The following PCDH19 variants were observed in gnomAD, a reference collection of about 807,000 sequenced individuals.
The protein encoded by PCDH19 is protocadherin 19, also known as protocadherin-19.
A neutral mutation model predicts 46.2 loss-of-function variants in PCDH19; 6 were observed. The ratio of observed to expected loss-of-function variants is 0.13; its 90% CI spans 0.07 to 0.26. PCDH19 has a LOEUF of 0.26. Ranked by LOEUF, PCDH19 falls within the 10% of genes least tolerant of loss-of-function variation. The pLI is 1.00. For missense variants in PCDH19, 740 were observed against 972.3 expected (o/e 0.76, Z 3.18); for synonymous variants, 481 against 415.7 (o/e 1.16, Z -1.91).
intron 5 of PCDH19, among the ~76,000 whole-genome samples, chrX:100,304,394 C>T (rs1209192083): frequency 1.8e-5 from 2 of 111,363 alleles, no homozygotes; most frequent in African/African-American, 6.5e-5. Flanking sequence ...CAAGGGAGCA[C>T]CCCATGGGAC....
intron 5 of PCDH19, among the ~76,000 whole-genome samples, chrX:100,333,232 A>T (rs942882481): frequency 1.9e-5 from 2 of 107,750 alleles, no homozygotes; most frequent in African/African-American, 6.8e-5. Flanking sequence ...AAAGAAAGAA[A>T]GAAAGAAAGA....
At chrX:100,335,527 T>C (rs939292286) in intron 5 of PCDH19, among the ~76,000 whole-genome samples, 2 of 112,176 alleles carry the variant, frequency 1.8e-5, no homozygotes, top group African/African-American at 6.5e-5. Context: ...AAGATCTTGA[T>C]TGTAACAGTC....
intron 4 of PCDH19, among the ~76,000 whole-genome samples, chrX:100,344,705 G>C (rs749030060): frequency 1.0e-5 from 1 of 98,483 alleles, no homozygotes; most frequent in East Asian, 3.2e-4. Flanking sequence ...GAGGGATCTA[G>C]TATGGGGGCA....
chrX:100,296,565 C>T lies in PCDH19; in HGVS notation c.3159G>A (p.Arg1053=), dbSNP rs769230199. 2 of 1,211,209 alleles carry T rather than the reference C, an allele frequency of 1.7e-6. No individual in the cohort carries two copies. Among genetic ancestry groups the T allele is most frequent in the Non-Finnish European group, 2.2e-6 (2 of 895,350 alleles). ...TCGCCTCACAGCCATTGCCTGCCTC[C>T]CGGATAACGCTGTTGACCTTGGGGC... ...ICSPKVNSVI[R]EAGNGCEAIS... is the part of the protein sequence containing the mutation. Residue 1053 remains arginine, a synonymous_variant, in exon 6 of 6, where the codon CGG becomes CGA. Coordinates refer to ENST00000373034, the MANE Select transcript of PCDH19 (RefSeq NM_001184880.2).
At chrX:100,356,470 T>C (rs1430025334) in intron 3 of PCDH19, among the ~76,000 whole-genome samples, 1 of 111,458 alleles carries the variant, frequency 9.0e-6, no homozygotes, top group Admixed American at 9.6e-5. Context: ...AATGAGATAA[T>C]AAATAGTTTT....
intron 5 of PCDH19, among the ~76,000 whole-genome samples, chrX:100,306,039 A>C (rs1442110349): frequency 8.9e-6 from 1 of 111,911 alleles, no homozygotes; most frequent in Non-Finnish European, 1.9e-5. Flanking sequence ...GAAACAATGG[A>C]CTTAAACTAT....
chrX:100,397,685 C>T (rs913951746), intron 3 of PCDH19, among the ~76,000 whole-genome samples: 3 of 112,012 alleles, frequency 2.7e-5, no homozygotes, highest in Admixed American at 9.4e-5. Context: ...CCCAAGTCTC[C>T]ATTTCCAGTA....
At chrX:100,319,580 A>C (rs780488100) in intron 5 of PCDH19, among the ~76,000 whole-genome samples, 1 of 112,097 alleles carries the variant, frequency 8.9e-6, no homozygotes, top group African/African-American at 3.2e-5. Context: ...TGAACAATGA[A>C]ATCACTGGAG....
intron 3 of PCDH19, among the ~76,000 whole-genome samples, chrX:100,357,878 A>G (rs1271119167): frequency 8.9e-6 from 1 of 112,109 alleles, no homozygotes; most frequent in Non-Finnish European, 1.9e-5. Flanking sequence ...ATGCGTTCAT[A>G]TAATGCATCA....
chrX:100,298,379 T>C (rs746059452), intron 5 of PCDH19, among the ~76,000 whole-genome samples: 2 of 112,223 alleles, frequency 1.8e-5, no homozygotes, highest in South Asian at 7.5e-4. Context: ...ATTCTGGGCA[T>C]GGCCCTTGAC....
At chrX:100,334,419 T>C (rs1926018995) in intron 5 of PCDH19, among the ~76,000 whole-genome samples, 1 of 112,161 alleles carries the variant, frequency 8.9e-6, no homozygotes, top group Admixed American at 9.5e-5. Flanking sequence ...CTTGCAAATA[T>C]AAGTTTAATT....
intron 3 of PCDH19, among the ~76,000 whole-genome samples, chrX:100,388,195 T>C (rs1335447095): frequency 9.0e-6 from 1 of 110,689 alleles, no homozygotes; most frequent in African/African-American, 3.3e-5. Flanking sequence ...CATGTGTATG[T>C]GTGTGTATGA....
chrX:100,305,996 C>G (rs1204222039), intron 5 of PCDH19, among the ~76,000 whole-genome samples: 3 of 111,522 alleles, frequency 2.7e-5, no homozygotes, highest in Non-Finnish European at 5.7e-5. Context: ...ACTGACAGCA[C>G]TAGACAGGTC....
At chrX:100,364,460 A>G (rs1927018545) in intron 3 of PCDH19, among the ~76,000 whole-genome samples, 1 of 112,102 alleles carries the variant, frequency 8.9e-6, no homozygotes, top group Admixed American at 9.5e-5. Flanking sequence ...TCCTGGACAG[A>G]GCAGACATAG....
chrX:100,291,867 A>G lies in PCDH19; in HGVS notation c.*4410T>C, dbSNP rs1285304347. The G allele has an allele frequency of 8.9e-6, 1 of 112,936 alleles. No individual in the cohort carries two copies. Among genetic ancestry groups the G allele is most frequent in the Non-Finnish European group, 1.9e-5 (1 of 53,347 alleles). The allele number at this position is 112,936 out of a possible 1,213,427, so 9.3% of individuals were successfully genotyped here. On this transcript the variant is annotated 3_prime_UTR_variant, in exon 6 of 6. Coordinates refer to ENST00000373034, the MANE Select transcript of PCDH19 (RefSeq NM_001184880.2). ...TCTTTTTTCTTTTTACAATGATTCA[A>G]TCACTGTGAAAATGTACATAACATA...
intron 3 of PCDH19, among the ~76,000 whole-genome samples, chrX:100,353,302 C>A (rs892246956): frequency 3.6e-4 from 40 of 112,182 alleles, no homozygotes; most frequent in African/African-American, 1.2e-3. Flanking sequence ...GGATAAGCAG[C>A]AACCCAAGCT....
intron 3 of PCDH19, among the ~76,000 whole-genome samples, chrX:100,398,031 C>T (rs988111677): frequency 2.7e-5 from 3 of 110,920 alleles, no homozygotes; most frequent in Non-Finnish European, 5.7e-5. Flanking sequence ...CACATACACA[C>T]GCCCTCTAAT....
chrX:100,294,036 G>A lies in PCDH19; in HGVS notation c.*2241C>T, dbSNP rs1369223889. The A allele has an allele frequency of 8.9e-6, 1 of 111,736 alleles. No individual in the cohort carries two copies. The highest frequency in any genetic ancestry group is 1.9e-5 in the Non-Finnish European group (1 of 53,216). The allele number at this position is 111,736 out of a possible 1,213,427, so 9.2% of individuals were successfully genotyped here. A position where few individuals can be genotyped will look rare whatever the true frequency, so the allele number is the denominator to read the frequency against. ...CTGACTTCAAAGTGACCTTGAAATC[G>A]TAGCTAATAACATAATATCAGGATG... On this transcript the variant is annotated 3_prime_UTR_variant, in exon 6 of 6. Transcript: ENST00000373034.
chrX:100,347,204 T>G (rs1281752245), intron 4 of PCDH19, among the ~76,000 whole-genome samples: 1 of 111,726 alleles, frequency 9.0e-6, no homozygotes, highest in Non-Finnish European at 1.9e-5. Context: ...GAGAACCCCC[T>G]TGCCCTCTGG....
Sources: allele counts gnomAD v4.1 joint callset (sites outside exome capture counted in the v4.1 genomes callset), GRCh38; gene constraint gnomAD v4.1.1; transcripts MANE v1.5; gene names NCBI Gene and HGNC (gene_info 2026-07-23, HGNC 2026-07-21).